The following DPF3 variants were observed in gnomAD, a reference collection of about 807,000 sequenced individuals.
The protein encoded by DPF3 is zinc finger protein DPF3.
A neutral mutation model predicts 56.8 loss-of-function variants in DPF3; 18 were observed. That is an observed-to-expected ratio of 0.32 (90% CI 0.22 to 0.47). The LOEUF (loss-of-function observed/expected upper bound fraction) is 0.47, where lower values mean the gene tolerates loss of function less well. DPF3 is among the 20% of genes least tolerant of loss of function. The probability of loss-of-function intolerance (pLI) is 1.00; values close to 1 mark genes in which losing one functional copy is unlikely to be tolerated. For missense variants in DPF3, 403 were observed against 488.8 expected, an observed-to-expected ratio of 0.82 and a Z score of 1.65; for synonymous variants, 188 against 180.2, an observed-to-expected ratio of 1.04 and a Z score of -0.35.
chr14:72,705,840 G>T (rs1201219144), intron 6 of DPF3, among the ~76,000 whole-genome samples: 2 of 152,188 alleles, frequency 1.3e-5, no homozygotes, highest in Non-Finnish European at 2.9e-5. Context: ...ACACAATGTG[G>T]GAGGCAGCCT....
chr14:72,809,442 G>T (rs1408133970), intron 1 of DPF3, among the ~76,000 whole-genome samples: 1 of 152,264 alleles, frequency 6.6e-6, no homozygotes, highest in South Asian at 2.1e-4. Flanking sequence ...AAGTCGGCAG[G>T]TCAGCACGGC....
At chr14:72,672,001 C>T (rs1237464096) in intron 8 of DPF3, among the ~76,000 whole-genome samples, 1 of 151,714 alleles carries the variant, frequency 6.6e-6, no homozygotes, top group Non-Finnish European at 1.5e-5. Flanking sequence ...CTGTGATCTG[C>T]ATCCACATAC....
intron 1 of DPF3, among the ~76,000 whole-genome samples, chr14:72,805,578 GCTCACAC>G (rs1238273001): frequency 2.6e-5 from 4 of 151,768 alleles, no homozygotes; most frequent in African/African-American, 9.7e-5. Flanking sequence ...AGGCGCGGTG[GCTCACAC>G]CTGTAATTCC....
chr14:72,757,015 GA>G (rs1890866136), intron 2 of DPF3, among the ~76,000 whole-genome samples: 1 of 139,050 alleles, frequency 7.2e-6, no homozygotes, highest in Non-Finnish European at 1.6e-5. Context: ...GAGGAGAGAA[GA>G]GGGGAAGAAG....
At chr14:72,652,705 A>G (rs1479774584) in intron 8 of DPF3, among the ~76,000 whole-genome samples, 2 of 152,196 alleles carry the variant, frequency 1.3e-5, no homozygotes, top group Non-Finnish European at 2.9e-5. Flanking sequence ...TATGTAGGTA[A>G]CATAGGTGGG....
intron 8 of DPF3, among the ~76,000 whole-genome samples, chr14:72,669,417 T>A (rs770045440): frequency 6.6e-5 from 10 of 152,350 alleles, no homozygotes; most frequent in Admixed American, 3.9e-4. Context: ...GAGTGCAGAA[T>A]CTTCCAAACA....
At chr14:72,800,094 A>T (rs1449329508) in intron 1 of DPF3, among the ~76,000 whole-genome samples, 2 of 152,228 alleles carry the variant, frequency 1.3e-5, no homozygotes, top group South Asian at 4.1e-4. Flanking sequence ...TGTTACCAAC[A>T]GACTCTAATA....
rs115623391 is a variant in DPF3, at chr14:72,826,031, A to T, written c.33-54138T>A. ...GGGCGGGAAAGGAAGGGGGCAGGTTAGGGACAGTCATTGATCTCGGCGGGC... is the reference window on the plus strand; with the variant it reads ...GGGCGGGAAAGGAAGGGGGCAGGTTTGGGACAGTCATTGATCTCGGCGGGC... On this transcript the variant is annotated intron_variant, in intron 1 of 10. Transcript: ENST00000556509. Among the ~76,000 whole-genome samples, 1,098 of 152,280 alleles carry T rather than the reference A, an allele frequency of 7.2e-3. 12 individuals are homozygous for T. Among genetic ancestry groups the T allele is most frequent in the African/African-American group, 0.025 (1,054 of 41,554 alleles).
At chr14:72,822,456 G>A (rs772363243) in intron 1 of DPF3, among the ~76,000 whole-genome samples, 2 of 152,080 alleles carry the variant, frequency 1.3e-5, no homozygotes, top group Non-Finnish European at 2.9e-5. Flanking sequence ...CAGGGCACTT[G>A]GAATGCTACT....
chr14:72,676,954 A>G (rs969327743), intron 7 of DPF3, among the ~76,000 whole-genome samples: 4 of 152,244 alleles, frequency 2.6e-5, no homozygotes, highest in Non-Finnish European at 5.9e-5. Context: ...AAAATTAGAA[A>G]TGATCTAGTA....
At position 72,616,570 on chromosome 14, in the gene DPF3, G is replaced by A. The variant is rs146940938; in HGVS notation, c.*2727C>T. On this transcript the variant is annotated 3_prime_UTR_variant, in exon 11 of 11. Coordinates refer to ENST00000556509, the MANE Select transcript of DPF3 (RefSeq NM_001280542.3). ...AGACAAGCATGGCTCTGCAGTGCTTGTTTATGTAACATGATGCTTAAGAGT... is the reference window on the plus strand; with the variant it reads ...AGACAAGCATGGCTCTGCAGTGCTTATTTATGTAACATGATGCTTAAGAGT... 5.3e-5 allele frequency among the ~76,000 whole-genome samples: 8 copies of A among 152,272 alleles called. No individual in the cohort carries two copies. The highest frequency in any genetic ancestry group is 1.7e-4 in the African/African-American group (7 of 41,558).
intron 9 of DPF3, among the ~76,000 whole-genome samples, chr14:72,624,984 T>G (rs1047108577): frequency 6.6e-6 from 1 of 152,200 alleles, no homozygotes; most frequent in African/African-American, 2.4e-5. Context: ...GTGTCTGCCA[T>G]TTTTTTCACT....
chr14:72,831,663 C>A lies in DPF3; in HGVS notation c.33-59770G>T, dbSNP rs144726965. 5.3e-3 allele frequency among the ~76,000 whole-genome samples: 814 copies of A among 152,296 alleles called. 5 individuals carry two copies. The highest frequency in any genetic ancestry group is 0.019 in the African/African-American group (772 of 41,566). ...CAGTAGCAGCACTGAGCCAAGAACT[C>A]AAGGCTTCAGTTTTGGCACTGGGTT... On this transcript the variant is annotated intron_variant, in intron 1 of 10. Transcript: ENST00000556509.
chr14:72,848,899 A>G (rs1884861245), intron 1 of DPF3, among the ~76,000 whole-genome samples: 1 of 152,212 alleles, frequency 6.6e-6, no homozygotes, highest in African/African-American at 2.4e-5. Context: ...GATAAAAATA[A>G]TGGGCTCCAT....
In DPF3 at chr14:72,681,196, C is replaced by G. The variant is rs369551872; in HGVS notation, c.743-6828G>C. On this transcript the variant is annotated intron_variant, in intron 7 of 10. Transcript: ENST00000556509. Reference sequence around the variant, plus strand: ...TTGAGGGGAAAAAAAATCTGCCAGGCAAAGGGAAGTTAATGACTAGGAATT... The same window carrying G: ...TTGAGGGGAAAAAAAATCTGCCAGGGAAAGGGAAGTTAATGACTAGGAATT... 6.6e-5 allele frequency among the ~76,000 whole-genome samples: 10 copies of G among 152,232 alleles called. No individual in the cohort carries two copies. The East Asian group carries it at 1.9e-3, about 29-fold the overall frequency.
intron 2 of DPF3, among the ~76,000 whole-genome samples, chr14:72,758,299 C>T (rs1274466386): frequency 6.6e-6 from 1 of 152,132 alleles, no homozygotes; most frequent in Admixed American, 6.5e-5. Flanking sequence ...ATCCCTGAGA[C>T]ACTGAAAACA....
intron 8 of DPF3, among the ~76,000 whole-genome samples, chr14:72,646,198 AACT>A (rs1272603187): frequency 6.6e-6 from 1 of 152,194 alleles, no homozygotes; most frequent in Non-Finnish European, 1.5e-5. Flanking sequence ...AAGAATAATA[AACT>A]ACTACTTCCA....
chr14:72,862,667 G>A (rs185468002), intron 1 of DPF3, among the ~76,000 whole-genome samples: 1 of 152,042 alleles, frequency 6.6e-6, no homozygotes, highest in Non-Finnish European at 1.5e-5. Context: ...CATCAGCCAT[G>A]CCTCCACCTC....
At chr14:72,846,379 A>T (rs754021170) in intron 1 of DPF3, among the ~76,000 whole-genome samples, 2 of 121,160 alleles carry the variant, frequency 1.7e-5, no homozygotes, top group Non-Finnish European at 3.1e-5. Context: ...TCTGTCGCCC[A>T]GGCTGGAGTG....
Sources: gnomAD v4.1 joint callset for allele counts (sites outside exome capture counted in the v4.1 genomes callset) on GRCh38, gnomAD v4.1.1 for gene constraint, MANE v1.5 for transcripts, NCBI Gene and HGNC (gene_info 2026-07-23, HGNC 2026-07-21) for gene names.